Variants in ANTXR1 observed in about 807,000 individuals in gnomAD.
The protein encoded by ANTXR1 is ANTXR cell adhesion molecule 1.
In ANTXR1, 19 loss-of-function variants were observed where a neutral mutation model predicts 78.1. The observed-to-expected ratio is 0.24, with a 90% CI of 0.17 to 0.36. The LOEUF is 0.36. Among genes scored for constraint, ANTXR1 ranks in the 10% least tolerant of loss-of-function variants. The pLI, the probability that ANTXR1 is intolerant of heterozygous loss-of-function variation, is 1.00. For missense variants in ANTXR1, 518 were observed against 718.6 expected (o/e 0.72, Z 3.19); for synonymous variants, 273 against 260.5 (o/e 1.05, Z -0.46).
intron 10 of ANTXR1, among the ~76,000 whole-genome samples, chr2:69,111,770 C>T (rs891026121): frequency 1.1e-4 from 16 of 152,300 alleles, no homozygotes; most frequent in African/African-American, 3.1e-4. Context: ...AACACTCATT[C>T]GAACGTAGAC....
intron 10 of ANTXR1, among the ~76,000 whole-genome samples, chr2:69,108,702 G>A (rs1301342924): frequency 6.6e-6 from 1 of 152,122 alleles, no homozygotes. Flanking sequence ...CCACTTACAA[G>A]TGAGAGCATG....
intron 4 of ANTXR1, among the ~76,000 whole-genome samples, chr2:69,071,047 C>A (rs958004494): frequency 1.3e-5 from 2 of 152,172 alleles, no homozygotes; most frequent in Non-Finnish European, 2.9e-5. Flanking sequence ...GTGATTGAGG[C>A]AGAATTTCAG....
chr2:69,225,479 T>G (rs1675423423), intron 17 of ANTXR1, among the ~76,000 whole-genome samples: 1 of 152,166 alleles, frequency 6.6e-6, no homozygotes, highest in South Asian at 2.1e-4. Context: ...ATTTAAAAAT[T>G]TATTTTTTAT....
intron 10 of ANTXR1, among the ~76,000 whole-genome samples, chr2:69,109,075 G>A (rs959275971): frequency 2.0e-5 from 3 of 152,104 alleles, no homozygotes; most frequent in South Asian, 2.1e-4. Context: ...CGACTGTGAC[G>A]TCTTATTTAA....
intron 1 of ANTXR1, among the ~76,000 whole-genome samples, chr2:69,029,843 AG>A (rs1671475589): frequency 6.6e-6 from 1 of 152,212 alleles, no homozygotes; most frequent in Non-Finnish European, 1.5e-5. Flanking sequence ...GAATGGCTCT[AG>A]AAAAGTTAAG....
chr2:69,099,610 TC>T (rs1671545536), intron 9 of ANTXR1, among the ~76,000 whole-genome samples: 1 of 152,244 alleles, frequency 6.6e-6, no homozygotes, highest in African/African-American at 2.4e-5. Flanking sequence ...CCATTGTCCA[TC>T]TCTTTCTCTT....
At chr2:69,214,782 T>G (rs1388041069) in intron 17 of ANTXR1, among the ~76,000 whole-genome samples, 1 of 152,260 alleles carries the variant, frequency 6.6e-6, no homozygotes, top group Non-Finnish European at 1.5e-5. Context: ...CAGCCTGTGT[T>G]TAACACTGAC....
intron 1 of ANTXR1, among the ~76,000 whole-genome samples, chr2:69,015,602 G>C (rs906432300): frequency 6.6e-6 from 1 of 152,058 alleles, no homozygotes; most frequent in South Asian, 2.1e-4. Context: ...ATAAATTTCA[G>C]AAAGGTTGAA....
chr2:69,079,373 A>T (rs1007402741), intron 8 of ANTXR1, among the ~76,000 whole-genome samples: 2 of 152,288 alleles, frequency 1.3e-5, no homozygotes, highest in Admixed American at 1.3e-4. Flanking sequence ...GAGGTGGATT[A>T]TTCTGGGCAG....
rs575961731 is a variant in ANTXR1 at position 69,164,264 on chromosome 2, G to A, written c.1048-5984G>A. On this transcript the variant is annotated intron_variant, in intron 13 of 17. Transcript: ENST00000303714. ...GTGACTCTGATTAGATTCCCATGAC[G>A]CAATGCATCCAAGCATCACAGCCCA... Among the ~76,000 whole-genome samples the A allele has an allele frequency of 3.9e-5, 6 of 152,272 alleles. No homozygotes were observed. In the East Asian group the frequency reaches 5.8e-4, roughly 15 times the overall value.
Position 69,182,664 on chromosome 2 carries a change from T to G in ANTXR1, c.1353+4T>G, listed in dbSNP as rs1674305688. The G allele has an allele frequency of 6.2e-7, 1 of 1,614,030 alleles. No homozygotes were observed. The highest frequency in any genetic ancestry group is 1.3e-5 in the African/African-American group (1 of 74,896). On this transcript the variant is annotated splice_donor_region_variant and intron_variant, in intron 16 of 17. Coordinates refer to ENST00000303714, the MANE Select transcript of ANTXR1 (RefSeq NM_032208.3). ...GAAGTGGTACTCTCCAATCAAGGTG[T>G]GTCTCTTTACTCAAAAAATCTATCA...
At chr2:69,226,878 AAT>A (rs1252096988) in intron 17 of ANTXR1, among the ~76,000 whole-genome samples, 1 of 152,186 alleles carries the variant, frequency 6.6e-6, no homozygotes, top group Non-Finnish European at 1.5e-5. Flanking sequence ...TTACAGTCTC[AAT>A]ATGAGTCCAA....
chr2:69,233,194 G>A (rs1291051701), intron 17 of ANTXR1, among the ~76,000 whole-genome samples: 1 of 152,040 alleles, frequency 6.6e-6, no homozygotes, highest in Non-Finnish European at 1.5e-5. Flanking sequence ...TTGTGTACTT[G>A]TTATACGACA....
intron 13 of ANTXR1, among the ~76,000 whole-genome samples, chr2:69,164,582 C>G (rs1673777507): frequency 6.6e-6 from 1 of 152,170 alleles, no homozygotes; most frequent in East Asian, 1.9e-4. Flanking sequence ...AAACACAGTT[C>G]AGTGAGTTTG....
At chr2:69,120,653 G>A (rs1672317023) in intron 10 of ANTXR1, among the ~76,000 whole-genome samples, 1 of 152,010 alleles carries the variant, frequency 6.6e-6, no homozygotes, top group African/African-American at 2.4e-5. Flanking sequence ...GGGTGACAGA[G>A]TGAGACTCTC....
At chr2:69,225,088 C>T (rs963455094) in intron 17 of ANTXR1, among the ~76,000 whole-genome samples, 2 of 152,096 alleles carry the variant, frequency 1.3e-5, no homozygotes, top group African/African-American at 4.8e-5. Flanking sequence ...GTCCTTTTGC[C>T]TCCCCCCATT....
chr2:69,162,020 T>TG (rs111372899), intron 13 of ANTXR1, among the ~76,000 whole-genome samples: 45,344 of 151,332 alleles, frequency 0.3, 7,199 homozygotes, highest in South Asian at 0.46. Context: ...TCATCATTTG[T>TG]GGAAAAAAAA....
chr2:69,047,416 A>G (rs1021052427), intron 3 of ANTXR1, among the ~76,000 whole-genome samples: 1 of 152,010 alleles, frequency 6.6e-6, no homozygotes, highest in Non-Finnish European at 1.5e-5. Context: ...TTGTTACTCT[A>G]TTTTCTAATG....
chr2:69,228,517 C>T (rs530533776), intron 17 of ANTXR1, among the ~76,000 whole-genome samples: 2 of 152,208 alleles, frequency 1.3e-5, no homozygotes, highest in South Asian at 4.1e-4. Context: ...ACAGAGATAG[C>T]CTGGGAAAAT....
Sources: allele counts gnomAD v4.1 joint callset (sites outside exome capture counted in the v4.1 genomes callset), GRCh38; gene constraint gnomAD v4.1.1; transcripts MANE v1.5; gene names NCBI Gene and HGNC (gene_info 2026-07-23, HGNC 2026-07-21).